Variants in BNIP2 observed in about 807,000 individuals in gnomAD.
BNIP2 encodes the protein BCL2/adenovirus E1B 19 kDa protein-interacting protein 2.
BNIP2 carries 36 observed loss-of-function variants against 43.4 expected under a neutral mutation model. The observed-to-expected ratio is 0.83, with a 90% CI of 0.64 to 1.10. The LOEUF (loss-of-function observed/expected upper bound fraction) is 1.10. Ranked by LOEUF, BNIP2 falls within the 50% of genes least tolerant of loss-of-function variation. The pLI is 0.00. For missense variants in BNIP2, 417 were observed against 374.1 expected, an observed-to-expected ratio of 1.11 and a Z score of -0.95; for synonymous variants, 146 against 121.0, an observed-to-expected ratio of 1.21 and a Z score of -1.35.
intron 1 of BNIP2, among the ~76,000 whole-genome samples, chr15:59,687,498 C>G (rs1894099302): frequency 6.6e-6 from 1 of 151,912 alleles, no homozygotes; most frequent in South Asian, 2.1e-4. Flanking sequence ...ATTGCAGGCA[C>G]GAGCGACCAT....
In BNIP2 at chr15:59,677,168, C is replaced by T. The variant is rs936767594; in HGVS notation, c.472+743G>A. 11 of 1,593,878 alleles carry T rather than the reference C, an allele frequency of 6.9e-6. No homozygotes were observed. In the East Asian group the frequency reaches 1.1e-4, roughly 16 times the overall value. ...TGCAGAAGGTGATTTACTACCTCTG[C>T]ATCTTATTGAAGGATCCAGTGGAAC... is the stretch of plus-strand genomic sequence containing the variant. On this transcript the variant is annotated intron_variant, in intron 5 of 9. Coordinates refer to ENST00000607373, the MANE Select transcript of BNIP2 (RefSeq NM_004330.4).
At chr15:59,687,060 G>C (rs934305081) in intron 1 of BNIP2, among the ~76,000 whole-genome samples, 3 of 152,112 alleles carry the variant, frequency 2.0e-5, no homozygotes, top group African/African-American at 7.2e-5. Context: ...ACAAAATTTA[G>C]AGGAAAAACT....
chr15:59,677,146 A>C, intron 5 of BNIP2: 1 of 1,598,556 alleles, frequency 6.3e-7, no homozygotes, highest in African/African-American at 1.3e-5. Context: ...ATTTACATGC[A>C]GAAGGTGATT....
At chr15:59,667,977 T>C (rs1262491286) in intron 9 of BNIP2, 14 of 523,620 alleles carry the variant, frequency 2.7e-5, no homozygotes, top group African/African-American at 4.1e-5. Context: ...TATTTGGAAG[T>C]TGGGGTACAT....
At chr15:59,688,189 T>C (rs1283272281) in intron 1 of BNIP2, among the ~76,000 whole-genome samples, 7 of 152,180 alleles carry the variant, frequency 4.6e-5, no homozygotes, top group African/African-American at 1.7e-4. Flanking sequence ...GAACTAAGAA[T>C]ATGTGCAAAA....
intron 4 of BNIP2, chr15:59,678,476 G>T: frequency 9.4e-7 from 1 of 1,063,696 alleles, no homozygotes; most frequent in Non-Finnish European, 1.1e-6. Flanking sequence ...TAGCTATCTG[G>T]GAGCCAATTT....
chr15:59,682,320 C>T (rs6151485), intron 2 of BNIP2, 88 bp downstream of exon 2: 2 of 1,195,642 alleles, frequency 1.7e-6, no homozygotes, highest in South Asian at 2.8e-5. Context: ...GAGCAAGACT[C>T]CGTCTCAAAA....
chr15:59,676,803 C>A, intron 5 of BNIP2: 1 of 1,524,292 alleles, frequency 6.6e-7, no homozygotes, highest in Non-Finnish European at 8.9e-7. Context: ...GGCCGCCTGG[C>A]CCTGCAGCGC....
chr15:59,687,012 A>T (rs568639327), intron 1 of BNIP2, among the ~76,000 whole-genome samples: 5 of 152,288 alleles, frequency 3.3e-5, no homozygotes, highest in African/African-American at 1.2e-4. Flanking sequence ...GCGAGACTGC[A>T]TCTCAAAAAA....
In BNIP2 at chr15:59,682,406, A is replaced by T; in HGVS notation, c.50+2T>A. Reference sequence around the variant, plus strand: ...TTGTTTTCTTTTAAAAGCATTGCTCACATCGGAAAATCTTCATCTTGCCAT... The same window carrying T: ...TTGTTTTCTTTTAAAAGCATTGCTCTCATCGGAAAATCTTCATCTTGCCAT... On this transcript the variant is annotated splice_donor_variant, in intron 2 of 9. Transcript: ENST00000607373. LOFTEE classifies it high-confidence loss of function. The T allele has an allele frequency of 6.2e-7, 1 of 1,609,286 alleles. No individual in the cohort carries two copies. The highest frequency in any genetic ancestry group is 8.5e-7 in the Non-Finnish European group (1 of 1,178,362).
At chr15:59,678,585 T>C in intron 4 of BNIP2, 2 of 1,115,070 alleles carry the variant, frequency 1.8e-6, no homozygotes, top group Non-Finnish European at 2.2e-6. Context: ...AAAGCAGAAA[T>C]GTATTTATAA....
chr15:59,682,650 G>C, intron 1 of BNIP2, 136 bp from the exon 2 acceptor site: 1 of 610,876 alleles, frequency 1.6e-6, no homozygotes, highest in East Asian at 3.3e-5. Context: ...TTACAGGGTT[G>C]CAATTTTTTT....
intron 1 of BNIP2, among the ~76,000 whole-genome samples, chr15:59,684,879 C>A (rs866742371): frequency 6.6e-6 from 1 of 152,172 alleles, no homozygotes; most frequent in African/African-American, 2.4e-5. Context: ...ATATTCCCAA[C>A]ACCTACCATG....
In BNIP2 at chr15:59,671,190, C is replaced by A; in HGVS notation, c.700G>T (p.Asp234Tyr). Reference protein sequence around the residue: ...GWLRKCYQQIDRRLRKNLKSL... With the variant: ...GWLRKCYQQIYRRLRKNLKSL... ...AACTTGTATTTGTATTACCTTCTAT[C>A]AATTTGCTGATAACATTTCCTGAGC... Residue 234 changes from aspartate to tyrosine, a missense_variant, in exon 7 of 10, where the codon GAT (aspartate) becomes TAT (tyrosine). By Grantham distance (160) the Asp-to-Tyr change is radical (BLOSUM62 -3). Coordinates refer to ENST00000607373, the MANE Select transcript of BNIP2 (RefSeq NM_004330.4). 1 of 1,594,460 alleles carries A rather than the reference C, an allele frequency of 6.3e-7. No homozygotes were observed. Among genetic ancestry groups the A allele is most frequent in the Non-Finnish European group, 8.6e-7 (1 of 1,169,194 alleles).
intron 1 of BNIP2, chr15:59,688,655 C>T (rs2142028235): frequency 2.0e-6 from 3 of 1,486,698 alleles, no homozygotes; most frequent in Middle Eastern, 3.4e-4. Flanking sequence ...TTTGGTTTAG[C>T]GTACTAGGGA....
At position 59,659,332 on chromosome 15, in the gene BNIP2, A is replaced by C. The variant is rs1892128907; in HGVS notation, c.*4737T>G. 1 of 152,242 alleles carries C rather than the reference A, an allele frequency of 6.6e-6. No homozygotes were observed. The highest frequency in any genetic ancestry group is 1.5e-5 in the Non-Finnish European group (1 of 68,042). The allele number at this position is 152,242 out of a possible 1,614,324, so 9.4% of individuals were successfully genotyped here. A position where few individuals can be genotyped will look rare whatever the true frequency, so the allele number is the denominator to read the frequency against. ...CTTGCACACACAGACATCAGAACTGAATTTCTGACAGTACTCGGCTGGGCA... is the reference window on the plus strand; with the variant it reads ...CTTGCACACACAGACATCAGAACTGCATTTCTGACAGTACTCGGCTGGGCA... On this transcript the variant is annotated 3_prime_UTR_variant, in exon 10 of 10. Transcript: ENST00000607373.
At chr15:59,688,570 T>A (rs1489919891) in intron 1 of BNIP2, 1 of 810,424 alleles carries the variant, frequency 1.2e-6, no homozygotes, top group Non-Finnish European at 1.9e-6. Context: ...CCAAACCATT[T>A]TGCCAGGTAT....
intron 5 of BNIP2, among the ~76,000 whole-genome samples, chr15:59,675,564 G>A (rs937378323): frequency 6.6e-5 from 10 of 152,014 alleles, no homozygotes; most frequent in East Asian, 1.9e-4. Context: ...GAGCTGTCAC[G>A]CCACTGCACT....
Position 59,660,315 on chromosome 15 carries a change from C to G in BNIP2, c.*3754G>C, listed in dbSNP as rs1360974084. On this transcript the variant is annotated 3_prime_UTR_variant, in exon 10 of 10. Transcript: ENST00000607373. The stretch of plus-strand genomic sequence containing the variant: ...TGTCCATATAGGATTGGAGAAAAAA[C>G]AGGCATGAAAACAAAATAGAATGGT... 1 of 152,182 alleles carries G rather than the reference C, an allele frequency of 6.6e-6. No homozygotes were observed. The highest frequency in any genetic ancestry group is 2.4e-5 in the African/African-American group (1 of 41,448). 9.4% of individuals were successfully genotyped at this position (152,182 alleles called of 1,614,324 possible).
Sources: gnomAD v4.1 joint callset for allele counts (sites outside exome capture counted in the v4.1 genomes callset) on GRCh38, gnomAD v4.1.1 for gene constraint, MANE v1.5 for transcripts, NCBI Gene and HGNC (gene_info 2026-07-23, HGNC 2026-07-21) for gene names.